Variants in ANXA11 observed in about 807,000 individuals in gnomAD.
ANXA11 encodes the protein annexin A11, also known as 56 kDa autoantigen.
A neutral mutation model predicts 64.7 loss-of-function variants in ANXA11; 57 were observed. The ratio of observed to expected loss-of-function variants is 0.88; its 90% confidence interval spans 0.71 to 1.10. The LOEUF is 1.10. Among genes scored for constraint, ANXA11 ranks in the 50% least tolerant of loss-of-function variants. The pLI, the probability that ANXA11 is intolerant of heterozygous loss-of-function variation, is 0.00. For missense variants in ANXA11, 675 were observed against 670.7 expected (o/e 1.01, Z -0.07); for synonymous variants, 260 against 265.2 (o/e 0.98, Z 0.19).
intron 2 of ANXA11, among the ~76,000 whole-genome samples, chr10:80,174,690 G>C (rs1392005846): frequency 6.6e-6 from 1 of 151,936 alleles, no homozygotes; most frequent in Non-Finnish European, 1.5e-5. Context: ...TTGTGCCTCA[G>C]CCTCCAACAG....
chr10:80,158,360 C>G (rs553006182), intron 13 of ANXA11, among the ~76,000 whole-genome samples: 1 of 152,106 alleles, frequency 6.6e-6, no homozygotes, highest in African/African-American at 2.4e-5. Flanking sequence ...TGCTGCTGCT[C>G]AGGCAGGAGG....
At position 80,180,562 on chromosome 10, in the gene ANXA11, G is replaced by A. The variant is rs550916130; in HGVS notation, c.-57-4407C>T. On this transcript the variant is annotated intron_variant, in intron 1 of 15. Transcript: ENST00000422982. The stretch of plus-strand genomic sequence containing the variant: ...GGCCTAACAGCAAACCAAGCAGACC[G>A]GGACTACAGTGGATGCTTTCATGGA... Among the ~76,000 whole-genome samples, 7 of 152,210 alleles carry A rather than the reference G, an allele frequency of 4.6e-5. No homozygotes were observed. The East Asian group carries it at 5.8e-4, about 13-fold the overall frequency.
At chr10:80,167,417 T>G in intron 5 of ANXA11, 104 bp from the exon 6 acceptor site, 1 of 1,005,316 alleles carries the variant, frequency 9.9e-7, no homozygotes, top group Non-Finnish European at 1.5e-6. Flanking sequence ...TCTCTAAGAG[T>G]TGGAGTATCT....
At position 80,166,075 on chromosome 10, in the gene ANXA11, C is replaced by CAT. The variant is rs58223589; in HGVS notation, c.858+8_858+9insAT. 6.8e-7 allele frequency: 1 copy of CAT among 1,460,686 alleles called. No homozygotes were observed. The highest frequency in any genetic ancestry group is 9.6e-7 in the Non-Finnish European group (1 of 1,045,960). 90.5% of individuals were successfully genotyped at this position (1,460,686 alleles called of 1,614,324 possible). On this transcript the variant is annotated intron_variant, in intron 8 of 15. Coordinates refer to ENST00000422982, the MANE Select transcript of ANXA11 (RefSeq NM_145868.2). ...ACACACACACACACACACACACACA[C>CAT]GTACACACCTTGATGGCTTCCTTTA... is the stretch of plus-strand genomic sequence containing the variant.
chr10:80,187,879 C>T (rs561100585), intron 1 of ANXA11, among the ~76,000 whole-genome samples: 1 of 152,250 alleles, frequency 6.6e-6, no homozygotes, highest in East Asian at 1.9e-4. Flanking sequence ...TCCAACCCAG[C>T]TTCTCCCAGA....
intron 3 of ANXA11, 134 bp from the exon 4 acceptor site, chr10:80,171,049 G>C (rs1256625984): frequency 2.0e-6 from 3 of 1,526,090 alleles, no homozygotes; most frequent in Non-Finnish European, 2.6e-6. Context: ...GGACACCACA[G>C]ACCACATGAA....
chr10:80,187,489 C>T (rs1490629361), intron 1 of ANXA11, among the ~76,000 whole-genome samples: 5 of 152,216 alleles, frequency 3.3e-5, no homozygotes, highest in African/African-American at 1.2e-4. Flanking sequence ...TATTTTATTA[C>T]AGCAGCTTGA....
At chr10:80,171,512 G>T in intron 3 of ANXA11, 1 of 663,052 alleles carries the variant, frequency 1.5e-6, no homozygotes, top group Non-Finnish European at 1.9e-6. Context: ...TATGTGCCCT[G>T]GGGCAAGGCT....
chr10:80,187,561 ACACACACACT>A (rs940374865), intron 1 of ANXA11, among the ~76,000 whole-genome samples: 12 of 148,460 alleles, frequency 8.1e-5, no homozygotes, highest in African/African-American at 2.2e-4. Context: ...ACACACACAC[ACACACACACT>A]CTCTCTCTCT....
chr10:80,159,463 C>A (rs937919823), intron 12 of ANXA11, among the ~76,000 whole-genome samples: 1 of 152,166 alleles, frequency 6.6e-6, no homozygotes, highest in African/African-American at 2.4e-5. Context: ...GTGATTGTCA[C>A]GAAGAGGCCA....
intron 1 of ANXA11, chr10:80,181,512 AAGCCAT>A (rs1846354275): frequency 6.6e-6 from 1 of 152,140 alleles, no homozygotes; most frequent in African/African-American, 2.4e-5. Context: ...AAGGAAAAAC[AAGCCAT>A]AGAATGGGAG....
intron 2 of ANXA11, among the ~76,000 whole-genome samples, chr10:80,173,987 G>A (rs1286560532): frequency 1.3e-5 from 2 of 152,192 alleles, no homozygotes; most frequent in Non-Finnish European, 2.9e-5. Flanking sequence ...GAAGACCACT[G>A]TTCTAGCCAC....
chr10:80,159,137 C>T lies in ANXA11; in HGVS notation c.1239G>A (p.Glu413=). The part of the protein sequence containing the change: ...GRDIEKSICR[E]MSGDLEEGML... ...TGCCCTCCTCCAGGTCCCCGGACAT[C>T]TCCCGGCAGATGCTCTTCTCAATGT... The change falls in exon 13 of 16, where the codon GAG becomes GAA. Residue 413 remains glutamate (E), a synonymous_variant. Transcript: ENST00000422982. 1 of 1,614,164 alleles carries T rather than the reference C, an allele frequency of 6.2e-7. No individual in the cohort carries two copies. Among genetic ancestry groups the T allele is most frequent in the South Asian group, 1.1e-5 (1 of 91,084 alleles).
In ANXA11 at chr10:80,154,141, A is replaced by G. The variant is rs893653167; in HGVS notation, c.*1712T>C. 1.4e-5 allele frequency: 2 copies of G among 146,854 alleles called. No individual in the cohort carries two copies. Among genetic ancestry groups the G allele is most frequent in the African/African-American group, 5.1e-5 (2 of 39,390 alleles). The allele number at this position is 146,854 out of a possible 1,614,324, so 9.1% of individuals were successfully genotyped here. ...TTTGAGACAGAGTCTCACTCTGTCC[A>G]CCCAGGTTGAAGTGCAATGGTGTGA... On this transcript the variant is annotated 3_prime_UTR_variant, in exon 16 of 16. Coordinates refer to ENST00000422982, the MANE Select transcript of ANXA11 (RefSeq NM_145868.2).
Position 80,170,825 on chromosome 10 carries a change from A to C in ANXA11, c.146T>G (p.Phe49Cys), listed in dbSNP as rs1342302979. 8.0e-6 allele frequency: 12 copies of C among 1,491,926 alleles called. No individual in the cohort carries two copies. The highest frequency in any genetic ancestry group is 1.1e-5 in the Non-Finnish European group (12 of 1,121,668). The allele number at this position is 1,491,926 out of a possible 1,614,324, so 92.4% of individuals were successfully genotyped here. A position where few individuals can be genotyped will look rare whatever the true frequency, so the allele number is the denominator to read the frequency against. ...CATTCCCGAGAGATAGTCCTGGTTG[A>C]ACTGCCCCGCATAGGTGGCCACGTT... is the stretch of plus-strand genomic sequence containing the variant. ...LDNVATYAGQ[F>C]NQDYLSGMAA... The change falls in exon 4 of 16, where the codon TTC becomes TGC. Residue 49 changes from phenylalanine to cysteine, a missense_variant. Phe to Cys is a radical substitution (Grantham distance 205, BLOSUM62 -2). Transcript: ENST00000422982.
intron 1 of ANXA11, among the ~76,000 whole-genome samples, chr10:80,194,879 T>C (rs894333542): frequency 3.3e-5 from 5 of 152,338 alleles, no homozygotes; most frequent in Admixed American, 1.3e-4. Flanking sequence ...TGGCAACAGC[T>C]GCGCACCTCC....
At chr10:80,180,775 A>T (rs1001758323) in intron 1 of ANXA11, among the ~76,000 whole-genome samples, 3 of 152,132 alleles carry the variant, frequency 2.0e-5, no homozygotes, top group African/African-American at 7.2e-5. Context: ...GTTTAAATGT[A>T]TCCCCCAAAG....
intron 9 of ANXA11, 52 bp from the exon 10 acceptor site, chr10:80,163,665 G>A (rs1424498375): frequency 1.4e-6 from 2 of 1,469,710 alleles, no homozygotes; most frequent in South Asian, 2.4e-5. Flanking sequence ...TTATGGAGCT[G>A]CCCATTGCAA....
At chr10:80,187,929 G>A (rs546878200) in intron 1 of ANXA11, among the ~76,000 whole-genome samples, 43 of 152,206 alleles carry the variant, frequency 2.8e-4, no homozygotes, top group African/African-American at 1.0e-3. Context: ...CCCAAGTCCT[G>A]TGGTAGTTAC....
Sources: gnomAD v4.1 joint callset for allele counts (sites outside exome capture counted in the v4.1 genomes callset) on GRCh38, gnomAD v4.1.1 for gene constraint, MANE v1.5 for transcripts, NCBI Gene and HGNC (gene_info 2026-07-23, HGNC 2026-07-21) for gene names.